Variants in NREP observed in about 807,000 individuals in gnomAD.
NREP encodes neuronal regeneration related protein.
Under a neutral mutation model 8.6 loss-of-function variants are expected in NREP, and 5 were observed. That is an observed-to-expected ratio of 0.58 (90% CI 0.30 to 1.22). NREP has a LOEUF of 1.22. NREP is among the 50% of genes most tolerant of loss of function. The pLI is 0.07. For missense variants in NREP, 86 were observed against 82.5 expected (o/e 1.04, Z -0.17); for synonymous variants, 27 against 28.0 (o/e 0.96, Z 0.11).
chr5:111,953,528 G>T (rs944801428), intron 2 of NREP, among the ~76,000 whole-genome samples: 1 of 151,866 alleles, frequency 6.6e-6, no homozygotes, highest in Non-Finnish European at 1.5e-5. Flanking sequence ...CATTCTTCAG[G>T]CATCATGAGT....
At chr5:111,886,266 A>ACTGGT (rs1754245647) in intron 2 of NREP, among the ~76,000 whole-genome samples, 2 of 152,228 alleles carry the variant, frequency 1.3e-5, no homozygotes, top group African/African-American at 2.4e-5. Flanking sequence ...TCAAAACCGC[A>ACTGGT]ATGAGATACC....
chr5:111,883,611 A>G (rs1327034104), intron 2 of NREP, among the ~76,000 whole-genome samples: 2 of 152,246 alleles, frequency 1.3e-5, no homozygotes, highest in Non-Finnish European at 2.9e-5. Flanking sequence ...ATCACACATT[A>G]TAACAAACTG....
chr5:111,891,367 A>G (rs1754390296), intron 2 of NREP, among the ~76,000 whole-genome samples: 1 of 152,208 alleles, frequency 6.6e-6, no homozygotes, highest in Non-Finnish European at 1.5e-5. Flanking sequence ...CATTTTAGTC[A>G]CAATCATTTA....
upstream of NREP, among the ~76,000 whole-genome samples, chr5:111,759,740 G>A (rs891722996): frequency 1.3e-5 from 2 of 152,122 alleles, no homozygotes; most frequent in Non-Finnish European, 2.9e-5. Flanking sequence ...GGATATATGA[G>A]AAACTCATGC....
intron 2 of NREP, among the ~76,000 whole-genome samples, chr5:111,790,825 T>C (rs1286287323): frequency 1.3e-5 from 2 of 152,152 alleles, no homozygotes; most frequent in African/African-American, 4.8e-5. Flanking sequence ...GTTTAAATTG[T>C]ATAGCTCCAC....
rs1409828542 is a variant in NREP, at chr5:111,970,423, G to C, written c.135+4851C>G. 3.3e-5 allele frequency among the ~76,000 whole-genome samples: 5 copies of C among 152,044 alleles called. No homozygotes were observed. The East Asian group carries it at 9.6e-4, about 29-fold the overall frequency. On this transcript the variant is annotated intron_variant, in intron 2 of 3. Coordinates refer to the NREP transcript ENST00000395634. Reference sequence around the variant, plus strand: ...TGCTGGCTTTGTATCGGTGATTCACGGACACATTCACTGTCTCAAGCTCCT... The same window carrying C: ...TGCTGGCTTTGTATCGGTGATTCACCGACACATTCACTGTCTCAAGCTCCT...
At position 111,872,602 on chromosome 5, in the gene NREP, T is replaced by A. The variant is rs190487926; in HGVS notation, c.135+102672A>T. 2.6e-5 allele frequency among the ~76,000 whole-genome samples: 4 copies of A among 152,238 alleles called. No individual in the cohort carries two copies. In the East Asian group the frequency reaches 7.7e-4, roughly 29 times the overall value. ...CCAGCTGTAAGGCTAGGAGAGTGTG[T>A]TGTCTGGAATATGGTCCTATCTGCT... On this transcript the variant is annotated intron_variant, in intron 2 of 3. Transcript: ENST00000395634.
chr5:111,947,353 T>C (rs1756017509), intron 2 of NREP, among the ~76,000 whole-genome samples: 1 of 152,034 alleles, frequency 6.6e-6, no homozygotes, highest in African/African-American at 2.4e-5. Flanking sequence ...TCTATCTTAG[T>C]ACTATTAATA....
chr5:111,870,850 ATTTTACCCAGAG>A (rs57818564), intron 2 of NREP, among the ~76,000 whole-genome samples: 36,988 of 151,992 alleles, frequency 0.24, 5,671 homozygotes, highest in South Asian at 0.52. Context: ...ACATGCAAGA[ATTTTACCCAGAG>A]TTTTATAGGA....
chr5:111,851,928 A>G (rs912200003), intron 2 of NREP, among the ~76,000 whole-genome samples: 1 of 152,170 alleles, frequency 6.6e-6, no homozygotes, highest in African/African-American at 2.4e-5. Flanking sequence ...AAAAGAGACA[A>G]TGTCCTGTAA....
intron 2 of NREP, among the ~76,000 whole-genome samples, chr5:111,905,243 G>A (rs576627116): frequency 6.6e-6 from 1 of 152,268 alleles, no homozygotes; most frequent in South Asian, 2.1e-4. Flanking sequence ...TAGGAGGGCA[G>A]CTGGTAGATC....
At position 111,904,874 on chromosome 5, in the gene NREP, T is replaced by C. The variant is rs554005829; in HGVS notation, c.135+70400A>G. 1.2e-4 allele frequency among the ~76,000 whole-genome samples: 18 copies of C among 152,222 alleles called. No homozygotes were observed. In the South Asian group the frequency reaches 3.5e-3, roughly 30 times the overall value. On this transcript the variant is annotated intron_variant, in intron 2 of 3. Coordinates refer to the NREP transcript ENST00000395634. Reference sequence around the variant, plus strand: ...TGAACAGACCCTTCACGAGACAGTATCTGTCTCTCAGGCTCATTCAGCTCT... The same window carrying C: ...TGAACAGACCCTTCACGAGACAGTACCTGTCTCTCAGGCTCATTCAGCTCT...
chr5:111,818,270 G>C (rs1752438444), intron 2 of NREP, among the ~76,000 whole-genome samples: 1 of 152,088 alleles, frequency 6.6e-6, no homozygotes, highest in Non-Finnish European at 1.5e-5. Context: ...TTAACTGAAG[G>C]TGTCAACAAT....
At chr5:111,881,202 A>C (rs1754055983) in intron 2 of NREP, among the ~76,000 whole-genome samples, 1 of 152,172 alleles carries the variant, frequency 6.6e-6, no homozygotes, top group Admixed American at 6.5e-5. Flanking sequence ...AGGGTCCTAC[A>C]CCCACGGAGT....
chr5:111,741,203 G>T (rs377586858), intron 2 of NREP, among the ~76,000 whole-genome samples: 3 of 152,206 alleles, frequency 2.0e-5, no homozygotes, highest in Non-Finnish European at 4.4e-5. Flanking sequence ...AGGGCAGCAC[G>T]GGTCCAACCT....
chr5:111,894,175 C>T (rs1424558276), intron 2 of NREP, among the ~76,000 whole-genome samples: 2 of 151,966 alleles, frequency 1.3e-5, no homozygotes, highest in African/African-American at 4.8e-5. Flanking sequence ...GCCGAGATCA[C>T]GCCATTGCAC....
At chr5:111,826,826 C>T (rs1397223313) in intron 2 of NREP, among the ~76,000 whole-genome samples, 4 of 152,318 alleles carry the variant, frequency 2.6e-5, no homozygotes, top group African/African-American at 7.2e-5. Context: ...TGAGCCACCA[C>T]ACCTAGCCGG....
At chr5:111,904,975 A>G (rs1754743957) in intron 2 of NREP, among the ~76,000 whole-genome samples, 2 of 152,028 alleles carry the variant, frequency 1.3e-5, no homozygotes, top group Admixed American at 1.3e-4. Flanking sequence ...ATTGCTCCCA[A>G]AAGAATTACC....
At chr5:111,881,394 GGGGCA>G (rs1465016763) in intron 2 of NREP, among the ~76,000 whole-genome samples, 3 of 152,186 alleles carry the variant, frequency 2.0e-5, no homozygotes, top group African/African-American at 7.2e-5. Flanking sequence ...TCACCTCTGG[GGGGCA>G]GGGCACAGAC....
Sources: allele counts gnomAD v4.1 joint callset (sites outside exome capture counted in the v4.1 genomes callset), GRCh38; gene constraint gnomAD v4.1.1; transcripts MANE v1.5; gene names NCBI Gene and HGNC (gene_info 2026-07-23, HGNC 2026-07-21).